Variants in PMS1 observed in about 807,000 individuals in gnomAD.
PMS1 encodes PMS1 protein homolog 1.
Under a neutral mutation model 93.1 loss-of-function variants are expected in PMS1, and 79 were observed. The ratio of observed to expected loss-of-function variants is 0.85; its 90% CI spans 0.71 to 1.02. PMS1 has a LOEUF of 1.02. Among genes scored for constraint, PMS1 ranks in the 50% least tolerant of loss-of-function variants. The pLI is 0.00. For missense variants in PMS1, 1,064 were observed against 1,085.3 expected, an observed-to-expected ratio of 0.98 and a Z score of 0.28; for synonymous variants, 335 against 363.4, an observed-to-expected ratio of 0.92 and a Z score of 0.89.
rs5743093 is a variant in PMS1, at chr2:189,839,902, C to T, written c.583-4062C>T. On this transcript the variant is annotated intron_variant, in intron 5 of 12. Coordinates refer to ENST00000441310, the MANE Select transcript of PMS1 (RefSeq NM_000534.5). ...AACCAAAATATGTTATAGTATGAGA[C>T]GAAATTAAGGGATTAAAATATGCTT... 5.1e-3 allele frequency among the ~76,000 whole-genome samples: 781 copies of T among 151,982 alleles called. 2 individuals carry two copies. The highest frequency in any genetic ancestry group is 8.7e-3 in the Non-Finnish European group (590 of 67,968).
chr2:189,802,626 A>G (rs557251761), intron 3 of PMS1, among the ~76,000 whole-genome samples: 43 of 152,332 alleles, frequency 2.8e-4, no homozygotes, highest in African/African-American at 9.6e-4. Context: ...TTAAGCCTCC[A>G]GGGCTTAGAG....
chr2:189,855,988 A>G (rs1162782386), intron 9 of PMS1: 2 of 310,258 alleles, frequency 6.4e-6, no homozygotes, highest in East Asian at 3.3e-4. Flanking sequence ...TCTGGAGTTT[A>G]TATTTGGTGA....
intron 10 of PMS1, among the ~76,000 whole-genome samples, chr2:189,866,228 T>C (rs2056645288): frequency 6.6e-6 from 1 of 152,212 alleles, no homozygotes; most frequent in African/African-American, 2.4e-5. Context: ...GTAAACTTCA[T>C]TTAAATTTCA....
At chr2:189,857,957 T>G (rs2055527394) in intron 9 of PMS1, among the ~76,000 whole-genome samples, 1 of 152,036 alleles carries the variant, frequency 6.6e-6, no homozygotes, top group Non-Finnish European at 1.5e-5. Context: ...CATGGTGTTA[T>G]TAAGGAAATA....
At chr2:189,839,788 G>T (rs1201862636) in intron 5 of PMS1, among the ~76,000 whole-genome samples, 1 of 152,036 alleles carries the variant, frequency 6.6e-6, no homozygotes, top group East Asian at 1.9e-4. Flanking sequence ...TATATTCCCA[G>T]ATTTTAGTAT....
At position 189,873,633 on chromosome 2, in the gene PMS1, C is replaced by T. The variant is rs143554211; in HGVS notation, c.2611C>T (p.Arg871Cys). ...AAAGGAAGTTTATGAATGTAGACCTCGCAAAGTGATAAGTTATTTAGAGGT... is the reference window on the plus strand; with the variant it reads ...AAAGGAAGTTTATGAATGTAGACCTTGCAAAGTGATAAGTTATTTAGAGGT... ...NAKEVYECRP[R>C]KVISYLEGEA... The change falls in exon 12 of 13, where the codon CGC becomes TGC. Residue 871 changes from arginine (R) to cysteine (C), a missense_variant. Arg to Cys is a radical substitution (Grantham distance 180). Transcript: ENST00000441310. 20 of 1,605,560 alleles carry T rather than the reference C, an allele frequency of 1.2e-5. No individual in the cohort carries two copies. The highest frequency in any genetic ancestry group is 8.8e-5 in the South Asian group (8 of 90,844).
rs374103882 is a variant in PMS1, at chr2:189,840,845, G to A, written c.583-3119G>A. 4.6e-5 allele frequency among the ~76,000 whole-genome samples: 7 copies of A among 152,272 alleles called. No individual in the cohort carries two copies. In the East Asian group the frequency reaches 1.2e-3, roughly 25 times the overall value. On this transcript the variant is annotated intron_variant, in intron 5 of 12. Coordinates refer to ENST00000441310, the MANE Select transcript of PMS1 (RefSeq NM_000534.5). Reference sequence around the variant, plus strand: ...TGCTTTTTTTGAGTTGAGAACCCCAGTGTACTCCTTGCCCTCCTAAAAGCA... The same window carrying A: ...TGCTTTTTTTGAGTTGAGAACCCCAATGTACTCCTTGCCCTCCTAAAAGCA...
At chr2:189,843,344 A>G (rs1048095174) in intron 5 of PMS1, among the ~76,000 whole-genome samples, 2 of 152,086 alleles carry the variant, frequency 1.3e-5, no homozygotes, top group African/African-American at 4.8e-5. Flanking sequence ...TCTCCAACAT[A>G]CTCGCAGTGA....
chr2:189,846,863 C>CTT (rs751908829), intron 6 of PMS1, among the ~76,000 whole-genome samples: 2 of 137,726 alleles, frequency 1.5e-5, no homozygotes, highest in Non-Finnish European at 1.6e-5. Context: ...TCTTTTTTTT[C>CTT]TTTTTTTTTT....
intron 5 of PMS1, among the ~76,000 whole-genome samples, chr2:189,832,453 C>A (rs1435448549): frequency 6.6e-6 from 1 of 151,916 alleles, no homozygotes; most frequent in Non-Finnish European, 1.5e-5. Flanking sequence ...ATCAGCAAGG[C>A]TGACCAGAAG....
At chr2:189,860,162 C>A (rs934687436) in intron 9 of PMS1, among the ~76,000 whole-genome samples, 1 of 152,198 alleles carries the variant, frequency 6.6e-6, no homozygotes, top group Admixed American at 6.5e-5. Flanking sequence ...TGTACACACA[C>A]ATAAACATCA....
At chr2:189,835,867 C>G (rs1406460559) in intron 5 of PMS1, among the ~76,000 whole-genome samples, 1 of 141,978 alleles carries the variant, frequency 7.0e-6, no homozygotes, top group Admixed American at 7.6e-5. Context: ...GCTGAGGCTG[C>G]TGTCAACTAT....
chr2:189,785,857 G>T (rs2048286509), intron 1 of PMS1, among the ~76,000 whole-genome samples: 1 of 152,190 alleles, frequency 6.6e-6, no homozygotes, highest in Non-Finnish European at 1.5e-5. Context: ...GGGCACGGTG[G>T]CTCACACCTG....
At chr2:189,805,165 A>AAT (rs950171453) in intron 3 of PMS1, among the ~76,000 whole-genome samples, 38 of 151,908 alleles carry the variant, frequency 2.5e-4, no homozygotes, top group African/African-American at 8.5e-4. Flanking sequence ...AAAATCTGTA[A>AAT]ATATATATAT....
intron 5 of PMS1, among the ~76,000 whole-genome samples, chr2:189,835,497 C>G (rs2053299768): frequency 6.6e-6 from 1 of 152,106 alleles, no homozygotes; most frequent in South Asian, 2.1e-4. Flanking sequence ...AATAAAACAA[C>G]CTTTTAAATA....
Position 189,796,185 on chromosome 2 carries a change from C to T in PMS1, c.315+234C>T, listed in dbSNP as rs547501840. On this transcript the variant is annotated intron_variant, in intron 3 of 12. Coordinates refer to ENST00000441310, the MANE Select transcript of PMS1 (RefSeq NM_000534.5). ...ACTAGCCTGGCCAACATGGTGAAAC[C>T]CCGTCTCTACTAAAAATACAAAATT... Among the ~76,000 whole-genome samples the T allele has an allele frequency of 2.0e-4, 30 of 152,108 alleles. 1 individual carries two copies. The East Asian group carries it at 3.3e-3, about 17-fold the overall frequency.
intron 11 of PMS1, among the ~76,000 whole-genome samples, chr2:189,870,663 T>C (rs2057070914): frequency 6.6e-6 from 1 of 152,244 alleles, no homozygotes; most frequent in Admixed American, 6.5e-5. Context: ...AGGGCAAATG[T>C]AGTTAGTATT....
At chr2:189,850,700 A>G (rs1339761762) in intron 6 of PMS1, among the ~76,000 whole-genome samples, 3 of 152,136 alleles carry the variant, frequency 2.0e-5, no homozygotes, top group African/African-American at 7.2e-5. Context: ...AATGAAGAGG[A>G]GGCATTAGAG....
intron 11 of PMS1, among the ~76,000 whole-genome samples, chr2:189,870,759 A>G (rs1293994085): frequency 6.6e-6 from 1 of 152,218 alleles, no homozygotes; most frequent in East Asian, 1.9e-4. Flanking sequence ...GGCAATTTTC[A>G]TATCTATATA....
Sources: gnomAD v4.1 joint callset for allele counts (sites outside exome capture counted in the v4.1 genomes callset) on GRCh38, gnomAD v4.1.1 for gene constraint, MANE v1.5 for transcripts, NCBI Gene and HGNC (gene_info 2026-07-23, HGNC 2026-07-21) for gene names.